Variants in DUSP8 observed in about 807,000 individuals in gnomAD.
DUSP8 encodes dual specificity phosphatase 8, also known as dual specificity protein phosphatase 8.
In DUSP8, 15 loss-of-function variants were observed where a neutral mutation model predicts 38.7. The observed-to-expected ratio is 0.39, with a 90% CI of 0.26 to 0.60. The LOEUF (loss-of-function observed/expected upper bound fraction) is 0.60. Among genes scored for constraint, DUSP8 ranks in the 20% least tolerant of loss-of-function variants. DUSP8 has a pLI of 0.56. For missense variants in DUSP8, 768 were observed against 915.0 expected, an observed-to-expected ratio of 0.84 and a Z score of 2.07; for synonymous variants, 458 against 433.9, an observed-to-expected ratio of 1.06 and a Z score of -0.69.
chr11:1,565,014 G>T (rs775600952), intron 2 of DUSP8, among the ~76,000 whole-genome samples: 1 of 152,228 alleles, frequency 6.6e-6, no homozygotes, highest in East Asian at 1.9e-4. Context: ...TGATGGTCCT[G>T]GGCAGAATGA....
intron 3 of DUSP8, among the ~76,000 whole-genome samples, chr11:1,562,471 T>C (rs1848731750): frequency 6.6e-6 from 1 of 152,026 alleles, no homozygotes; most frequent in African/African-American, 2.4e-5. Flanking sequence ...TGGATCAGAG[T>C]GCGTCATTCT....
chr11:1,557,865 G>A lies in DUSP8; in HGVS notation c.750C>T (p.Ile250=). ...CQVIVHCLAG[I]SRSATIAIAY... ...CGATGGCGATGGTGGCAGAGCGGGAGATGCCAGCCAGACAGTGGACGATGA... is the reference window on the plus strand; with the variant it reads ...CGATGGCGATGGTGGCAGAGCGGGAAATGCCAGCCAGACAGTGGACGATGA... Residue 250 remains isoleucine (I), a synonymous_variant, in exon 6 of 7, where the codon ATC becomes ATT. Transcript: ENST00000397374. This position sits in a 1 kb window ranked among gnomAD's most constrained non-coding sequence, Gnocchi z 9.9. 1 of 1,614,016 alleles carries A rather than the reference G, an allele frequency of 6.2e-7. No individual in the cohort carries two copies. Among genetic ancestry groups the A allele is most frequent in the South Asian group, 1.1e-5 (1 of 91,078 alleles).
chr11:1,559,148 T>G lies in DUSP8; in HGVS notation c.371-93A>C. Reference sequence around the variant, plus strand: ...TGTCCGCCTAGGGCACCCCATCTACTGCTGAGGATCAGTCACACCCAGCCC... The same window carrying G: ...TGTCCGCCTAGGGCACCCCATCTACGGCTGAGGATCAGTCACACCCAGCCC... On this transcript the variant is annotated intron_variant, in intron 3 of 6. Coordinates refer to ENST00000397374, the MANE Select transcript of DUSP8 (RefSeq NM_004420.3). 3 of 1,290,288 alleles carry G rather than the reference T, an allele frequency of 2.3e-6. No individual in the cohort carries two copies. In the South Asian group the frequency reaches 4.1e-5, roughly 18 times the overall value. 79.9% of individuals were successfully genotyped at this position (1,290,288 alleles called of 1,614,324 possible). A position where few individuals can be genotyped will look rare whatever the true frequency, so the allele number is the denominator to read the frequency against.
chr11:1,563,704 T>C, intron 3 of DUSP8, 147 bp downstream of exon 3: 1 of 798,176 alleles, frequency 1.3e-6, no homozygotes, highest in Non-Finnish European at 1.9e-6. Flanking sequence ...GTGGGCGTCC[T>C]GGGGAGAGGA....
Position 1,558,281 on chromosome 11 carries a change from CG to C in DUSP8, c.538-11del. ...TTTGCGTCATCAGATCCTGGAGGGG[CG>C]GGAGGGCGGGTTGGAAAGGGGTGGG... On this transcript the variant is annotated splice_polypyrimidine_tract_variant and intron_variant, in intron 4 of 6. Transcript: ENST00000397374. This position sits in a 1 kb window ranked among gnomAD's most constrained non-coding sequence, Gnocchi z 6.3. The C allele has an allele frequency of 9.8e-5, 4 of 40,734 alleles. No homozygotes were observed. The highest frequency in any genetic ancestry group is 1.9e-4 in the Non-Finnish European group (4 of 20,924). The allele number at this position is 40,734 out of a possible 1,614,324, so 2.5% of individuals were successfully genotyped here.
At position 1,558,119 on chromosome 11, in the gene DUSP8, C is replaced by T; in HGVS notation, c.690G>A (p.Glu230=). ...CGCCCACCGCAGACTCACCGATGAA[C>T]TCGATGGACTTGTCCAGCCAGGGCA... ...KLLPWLDKSI[E]FIDKAKLSSC... Residue 230 remains glutamate, a synonymous_variant, in exon 5 of 7, where the codon GAG becomes GAA. Coordinates refer to ENST00000397374, the MANE Select transcript of DUSP8 (RefSeq NM_004420.3). The surrounding 1 kb of genome is among the most constrained non-coding windows in gnomAD (Gnocchi z 6.3). 1 of 1,611,966 alleles carries T rather than the reference C, an allele frequency of 6.2e-7. No individual in the cohort carries two copies. The highest frequency in any genetic ancestry group is 1.1e-5 in the South Asian group (1 of 90,988).
At chr11:1,562,369 T>C (rs963353711) in intron 3 of DUSP8, among the ~76,000 whole-genome samples, 1 of 152,144 alleles carries the variant, frequency 6.6e-6, no homozygotes, top group Admixed American at 6.5e-5. Flanking sequence ...GGAGGGGTCC[T>C]GTTACACCTG....
Position 1,557,738 on chromosome 11 carries a change from C to CG in DUSP8, c.821+55dup, listed in dbSNP as rs1848658554. On this transcript the variant is annotated intron_variant, in intron 6 of 6. Coordinates refer to ENST00000397374, the MANE Select transcript of DUSP8 (RefSeq NM_004420.3). The surrounding 1 kb of genome is among the most constrained non-coding windows in gnomAD (Gnocchi z 9.9). ...GGTCATTCTGGTGCAAGTGGGCAGC[C>CG]GGGGGAAGGGAAGCGACGCTGTGAG... 4 of 1,607,576 alleles carry CG rather than the reference C, an allele frequency of 2.5e-6. No individual in the cohort carries two copies. The East Asian group carries it at 8.9e-5, about 36-fold the overall frequency.
At position 1,557,144 on chromosome 11, in the gene DUSP8, C is replaced by T. The variant is rs1478150424; in HGVS notation, c.1252G>A (p.Glu418Lys). Residue 418 changes from glutamate (E) to lysine (K), a missense_variant, in exon 7 of 7, where the codon GAG becomes AAG. Around this residue, in one of 3 missense-constraint regions of DUSP8, gnomAD observed 474 missense variants for 430.8 expected, o/e 1.10. Coordinates refer to ENST00000397374, the MANE Select transcript of DUSP8 (RefSeq NM_004420.3). This position sits in a 1 kb window ranked among gnomAD's most constrained non-coding sequence, Gnocchi z 9.9. ...PDGPGPPDPG[E>K]APKLCKLDSP... Reference sequence around the variant, plus strand: ...TCCAGCTTGCAGAGCTTCGGGGCCTCGCCGGGGTCGGGGGGCCCGGGGCCG... The same window carrying T: ...TCCAGCTTGCAGAGCTTCGGGGCCTTGCCGGGGTCGGGGGGCCCGGGGCCG... 7.0e-7 allele frequency: 1 copy of T among 1,427,334 alleles called. No homozygotes were observed. Among genetic ancestry groups the T allele is most frequent in the East Asian group, 3.1e-5 (1 of 32,522 alleles). The allele number at this position is 1,427,334 out of a possible 1,614,324, so 88.4% of individuals were successfully genotyped here. A position where few individuals can be genotyped will look rare whatever the true frequency, so the allele number is the denominator to read the frequency against.
In DUSP8 at chr11:1,557,597, C is replaced by G; in HGVS notation, c.822-23G>C. ...AACCTGCGGGGGAGGAGGCTCAGTC[C>G]CAGGCGCCCGCCGGGGCCAGGCTGC... On this transcript the variant is annotated intron_variant, in intron 6 of 6. Coordinates refer to ENST00000397374, the MANE Select transcript of DUSP8 (RefSeq NM_004420.3). The surrounding 1 kb of genome is among the most constrained non-coding windows in gnomAD (Gnocchi z 9.9). The G allele has an allele frequency of 6.6e-7, 1 of 1,509,026 alleles. No homozygotes were observed. 93.5% of individuals were successfully genotyped at this position (1,509,026 alleles called of 1,614,324 possible).
rs1352274023 is a variant in DUSP8 at position 1,572,239 on chromosome 11, G to A, written c.-447C>T. Reference sequence around the variant, plus strand: ...GGCGTCCGGCGGGGCGTCGTGGGGGGAGCCGGCTCGGCCGCCGCGCTCGGC... The same window carrying A: ...GGCGTCCGGCGGGGCGTCGTGGGGGAAGCCGGCTCGGCCGCCGCGCTCGGC... On this transcript the variant is annotated 5_prime_UTR_variant, in exon 1 of 7. Transcript: ENST00000397374. This position sits in a 1 kb window ranked among gnomAD's most constrained non-coding sequence, Gnocchi z 4.7. Among the ~76,000 whole-genome samples, 2 of 147,036 alleles carry A rather than the reference G, an allele frequency of 1.4e-5. No homozygotes were observed. The highest frequency in any genetic ancestry group is 4.9e-5 in the African/African-American group (2 of 40,690).
At chr11:1,568,531 C>T (rs551712691) in intron 1 of DUSP8, among the ~76,000 whole-genome samples, 1 of 152,308 alleles carries the variant, frequency 6.6e-6, no homozygotes, top group African/African-American at 2.4e-5. Context: ...GTCACCATGG[C>T]AACAGCAGAG....
rs1299833846 is a variant in DUSP8, at chr11:1,555,190, G to A, written c.*1328C>T. ...GGGTATGGGGCAGGGGCAGCAGGCT[G>A]ACCCACCTGGGCCCAAAAGCCACTT... On this transcript the variant is annotated 3_prime_UTR_variant, in exon 7 of 7. Coordinates refer to ENST00000397374, the MANE Select transcript of DUSP8 (RefSeq NM_004420.3). The A allele has an allele frequency of 8.1e-6, 8 of 987,666 alleles. No homozygotes were observed. Among genetic ancestry groups the A allele is most frequent in the African/African-American group, 1.7e-5 (1 of 57,260 alleles). The allele number at this position is 987,666 out of a possible 1,614,324, so 61.2% of individuals were successfully genotyped here.
rs1348079262 is a variant in DUSP8 at position 1,565,798 on chromosome 11, A to G, written c.29T>C (p.Val10Ala). The G allele has an allele frequency of 6.2e-7, 1 of 1,608,748 alleles. No homozygotes were observed. The highest frequency in any genetic ancestry group is 2.2e-5 in the East Asian group (1 of 44,732). The change falls in exon 2 of 7, where the codon GTG (valine) becomes GCG (alanine). Residue 10 changes from valine to alanine, a missense_variant. This residue lies in a region of DUSP8 where 252 missense variants were observed against 410.4 expected (regional missense o/e 0.61). Coordinates refer to ENST00000397374, the MANE Select transcript of DUSP8 (RefSeq NM_004420.3). The part of the protein sequence containing the change: MAGDRLPRK[V>A]MDAKKLASLL... The stretch of plus-strand genomic sequence containing the variant: ...GCTGGCCAGCTTCTTGGCATCCATC[A>G]CCTTCCTCGGGAGCCGGTCCCCAGC...
chr11:1,564,084 A>C, intron 2 of DUSP8, 95 bp from the exon 3 acceptor site: 2 of 1,332,782 alleles, frequency 1.5e-6, no homozygotes, highest in South Asian at 1.9e-5. Context: ...TAGTAAGGGC[A>C]TCAGATGATG....
At chr11:1,567,051 G>A (rs1197155027) in intron 1 of DUSP8, among the ~76,000 whole-genome samples, 1 of 152,144 alleles carries the variant, frequency 6.6e-6, no homozygotes, top group Non-Finnish European at 1.5e-5. Flanking sequence ...TGGGGAAACC[G>A]AGGCTTGGGG....
intron 3 of DUSP8, chr11:1,559,347 C>G: frequency 3.0e-6 from 1 of 334,680 alleles, no homozygotes; most frequent in Non-Finnish European, 5.4e-6. Flanking sequence ...GTAAAGGTGG[C>G]GTTGAGGTGG....
rs1359421523 is a variant in DUSP8, at chr11:1,557,166, G to A, written c.1230C>T (p.Gly410=). 2.9e-5 allele frequency: 42 copies of A among 1,446,940 alleles called. No homozygotes were observed. The South Asian group carries it at 3.0e-4, about 10-fold the overall frequency. 89.6% of individuals were successfully genotyped at this position (1,446,940 alleles called of 1,614,324 possible). A position where few individuals can be genotyped will look rare whatever the true frequency, so the allele number is the denominator to read the frequency against. ...SAYAPSRRPD[G]PGPPDPGEAP... Reference sequence around the variant, plus strand: ...CCTCGCCGGGGTCGGGGGGCCCGGGGCCGTCGGGCCGCCTGCTAGGGGCGT... The same window carrying A: ...CCTCGCCGGGGTCGGGGGGCCCGGGACCGTCGGGCCGCCTGCTAGGGGCGT... The change falls in exon 7 of 7, where the codon GGC becomes GGT. Residue 410 remains glycine, a synonymous_variant. Coordinates refer to ENST00000397374, the MANE Select transcript of DUSP8 (RefSeq NM_004420.3). The surrounding 1 kb of genome is among the most constrained non-coding windows in gnomAD (Gnocchi z 9.9).
At position 1,555,346 on chromosome 11, in the gene DUSP8, C is replaced by T. The variant is rs775378004; in HGVS notation, c.*1172G>A. ...GCTTTACCTGTCTTGAGGCAGTGCTCCCTAAGTGAAGCAGGCCTATCCCAG... is the reference window on the plus strand; with the variant it reads ...GCTTTACCTGTCTTGAGGCAGTGCTTCCTAAGTGAAGCAGGCCTATCCCAG... On this transcript the variant is annotated 3_prime_UTR_variant, in exon 7 of 7. Transcript: ENST00000397374. The T allele has an allele frequency of 5.1e-5, 50 of 987,638 alleles. No individual in the cohort carries two copies. The highest frequency in any genetic ancestry group is 6.0e-5 in the Non-Finnish European group (50 of 830,198). The allele number at this position is 987,638 out of a possible 1,614,324, so 61.2% of individuals were successfully genotyped here.
Sources: gnomAD v4.1 joint callset for allele counts (sites outside exome capture counted in the v4.1 genomes callset) on GRCh38, gnomAD v4.1.1 for gene constraint, gnomAD v4.1.1 regional missense constraint, Gnocchi (gnomAD v3.1) non-coding constraint, MANE v1.5 for transcripts, NCBI Gene and HGNC (gene_info 2026-07-23, HGNC 2026-07-21) for gene names.